Variants in CEP112 observed in about 807,000 individuals in gnomAD.
CEP112 encodes centrosomal protein 112, also known as centrosomal protein of 112 kDa.
Under a neutral mutation model 153.0 loss-of-function variants are expected in CEP112, and 127 were observed. The observed-to-expected ratio is 0.83, with a 90% confidence interval of 0.72 to 0.96. CEP112 has a LOEUF of 0.96. CEP112 is among the 40% of genes least tolerant of loss of function. The pLI is 0.00. For missense variants in CEP112, 1,089 were observed against 1,101.2 expected (o/e 0.99, Z 0.16); for synonymous variants, 358 against 374.4 (o/e 0.96, Z 0.51).
chr17:65,823,365 C>T (rs1568070945), intron 21 of CEP112, among the ~76,000 whole-genome samples: 1 of 152,030 alleles, frequency 6.6e-6, no homozygotes, highest in East Asian at 1.9e-4. Context: ...ACAGAAAGTC[C>T]ACTAGTAGGC....
intron 22 of CEP112, among the ~76,000 whole-genome samples, chr17:65,745,247 T>C (rs769696874): frequency 6.6e-6 from 1 of 152,250 alleles, no homozygotes; most frequent in Non-Finnish European, 1.5e-5. Context: ...AATAACAACA[T>C]GTCAATATTA....
In CEP112 at chr17:66,062,948, T is replaced by C. The variant is rs182445372; in HGVS notation, c.1074+15A>G. 3.1e-3 allele frequency: 4,221 copies of C among 1,346,578 alleles called. 213 individuals are homozygous for C. The Admixed American group carries it at 0.075, about 24-fold the overall frequency. 83.4% of individuals were successfully genotyped at this position (1,346,578 alleles called of 1,614,324 possible). ...TAAACTTTTATGTTTTCCATTAGTA[T>C]TTTATGTAGCTTACCTTTTTTTCCC... On this transcript the variant is annotated intron_variant, in intron 11 of 26. Coordinates refer to ENST00000535342, the MANE Select transcript of CEP112 (RefSeq NM_001199165.4).
At chr17:65,738,501 A>G (rs2050933168) in intron 23 of CEP112, among the ~76,000 whole-genome samples, 1 of 152,184 alleles carries the variant, frequency 6.6e-6, no homozygotes, top group Non-Finnish European at 1.5e-5. Context: ...ATTCATTTCA[A>G]AAGCCTACTC....
At chr17:65,718,252 A>G (rs1179324855) in intron 23 of CEP112, among the ~76,000 whole-genome samples, 1 of 152,034 alleles carries the variant, frequency 6.6e-6, no homozygotes. Context: ...CTAAAAATAC[A>G]AAAAATCTAG....
chr17:66,134,104 G>A (rs2070325992), intron 4 of CEP112, among the ~76,000 whole-genome samples: 1 of 152,072 alleles, frequency 6.6e-6, no homozygotes, highest in Non-Finnish European at 1.5e-5. Flanking sequence ...ATACTAAGCA[G>A]TGGCGTATTC....
chr17:65,921,866 T>C (rs1169367017), intron 19 of CEP112, among the ~76,000 whole-genome samples: 1 of 152,180 alleles, frequency 6.6e-6, no homozygotes, highest in Non-Finnish European at 1.5e-5. Context: ...CTTTGAAGTT[T>C]ACATGCTTCC....
At chr17:65,854,955 C>CT (rs1331173937) in intron 20 of CEP112, among the ~76,000 whole-genome samples, 2 of 151,998 alleles carry the variant, frequency 1.3e-5, no homozygotes, top group Non-Finnish European at 2.9e-5. Flanking sequence ...GCAGAACATT[C>CT]TTTTTTTAAA....
intron 24 of CEP112, among the ~76,000 whole-genome samples, chr17:65,653,422 G>A (rs2045887842): frequency 6.6e-6 from 1 of 152,212 alleles, no homozygotes; most frequent in African/African-American, 2.4e-5. Context: ...AATGTGTTAA[G>A]TAAAGTGAGT....
At chr17:66,077,407 A>G (rs2067543004) in intron 8 of CEP112, among the ~76,000 whole-genome samples, 1 of 152,222 alleles carries the variant, frequency 6.6e-6, no homozygotes, top group African/African-American at 2.4e-5. Flanking sequence ...GAAATGCAAA[A>G]TGCTCTGCAA....
rs562838281 is a variant in CEP112, at chr17:66,156,017, C to T, written c.470+19027G>A. Among the ~76,000 whole-genome samples, 113 of 152,318 alleles carry T rather than the reference C, an allele frequency of 7.4e-4. 2 individuals are homozygous for T. In the South Asian group the frequency reaches 0.023, roughly 31 times the overall value. ...GAAGAGAGCAGTGGATCTCCCAGCA[C>T]AGTGTTTGAGCTCTGCTAAGGGACA... On this transcript the variant is annotated intron_variant, in intron 4 of 26. Coordinates refer to ENST00000535342, the MANE Select transcript of CEP112 (RefSeq NM_001199165.4).
chr17:66,150,587 C>T (rs993507260), intron 4 of CEP112, among the ~76,000 whole-genome samples: 3 of 152,106 alleles, frequency 2.0e-5, no homozygotes, highest in Admixed American at 2.0e-4. Context: ...TGTTCAAGTC[C>T]TCTGTTTAGT....
chr17:65,865,108 C>G (rs1317114824), intron 20 of CEP112, among the ~76,000 whole-genome samples: 1 of 152,036 alleles, frequency 6.6e-6, no homozygotes, highest in African/African-American at 2.4e-5. Context: ...GTGTCATGAT[C>G]TCGGCTCACT....
In CEP112 at chr17:65,901,988, GGGGGGGGGGGT is replaced by G. The variant is rs2059871564; in HGVS notation, c.2163+153_2163+163del. Among the ~76,000 whole-genome samples, 8 of 43,456 alleles carry G rather than the reference GGGGGGGGGGGT, an allele frequency of 1.8e-4. 1 individual carries two copies. The highest frequency in any genetic ancestry group is 6.4e-4 in the African/African-American group (7 of 11,006). 28.5% of individuals were successfully genotyped at this position (43,456 alleles called of 152,430 possible). ...AGGCTTTATTCATCCCAAAACGGGGGGGGGGGGGGGTGGGGGGGAGAAAAACAAAAAAAAAA... is the reference window on the plus strand; with the variant it reads ...AGGCTTTATTCATCCCAAAACGGGGGGGGGGGGAGAAAAACAAAAAAAAAA... On this transcript the variant is annotated intron_variant, in intron 20 of 26. Coordinates refer to ENST00000535342, the MANE Select transcript of CEP112 (RefSeq NM_001199165.4).
At chr17:65,940,761 C>G (rs2061481562) in intron 18 of CEP112, among the ~76,000 whole-genome samples, 1 of 152,122 alleles carries the variant, frequency 6.6e-6, no homozygotes, top group Non-Finnish European at 1.5e-5. Context: ...TTGGGAGATA[C>G]TGTTCAAAGG....
At chr17:65,701,652 C>G (rs2048636679) in intron 23 of CEP112, among the ~76,000 whole-genome samples, 1 of 152,100 alleles carries the variant, frequency 6.6e-6, no homozygotes, top group African/African-American at 2.4e-5. Flanking sequence ...CTGACATCTC[C>G]AACTGTCTCT....
chr17:65,682,945 T>G (rs983226191), intron 24 of CEP112, among the ~76,000 whole-genome samples: 3 of 152,226 alleles, frequency 2.0e-5, no homozygotes, highest in African/African-American at 7.2e-5. Context: ...AAGAACCCTG[T>G]GGGAAGATAT....
intron 17 of CEP112, among the ~76,000 whole-genome samples, chr17:65,971,972 C>T (rs2062857662): frequency 6.6e-6 from 1 of 152,120 alleles, no homozygotes; most frequent in Admixed American, 6.5e-5. Context: ...CCCTCTCTAT[C>T]AATAATTGAT....
intron 17 of CEP112, among the ~76,000 whole-genome samples, chr17:66,003,748 CT>C (rs2064154605): frequency 1.3e-5 from 2 of 152,334 alleles, no homozygotes; most frequent in African/African-American, 4.8e-5. Context: ...TGAGCTCCAC[CT>C]TCTGTCAGAT....
chr17:65,898,464 A>G (rs1010794836), intron 20 of CEP112, among the ~76,000 whole-genome samples: 16 of 152,282 alleles, frequency 1.1e-4, no homozygotes, highest in African/African-American at 3.8e-4. Context: ...TTCTAAGTAG[A>G]AAAGAATTAT....
Sources: allele counts gnomAD v4.1 joint callset (sites outside exome capture counted in the v4.1 genomes callset), GRCh38; gene constraint gnomAD v4.1.1; transcripts MANE v1.5; gene names NCBI Gene and HGNC (gene_info 2026-07-23, HGNC 2026-07-21).